CACNB2: variants seen among roughly 807,000 people sequenced by gnomAD.
CACNB2 encodes the protein calcium voltage-gated channel auxiliary subunit beta 2.
A neutral mutation model predicts 73.3 loss-of-function variants in CACNB2; 42 were observed. The ratio of observed to expected loss-of-function variants is 0.57; its 90% CI spans 0.45 to 0.74. The LOEUF is 0.74. CACNB2 is among the 30% of genes least tolerant of loss of function. The probability of loss-of-function intolerance (pLI) is 0.00; values close to 1 mark genes in which losing one functional copy is unlikely to be tolerated. For missense variants in CACNB2, 940 were observed against 853.0 expected (o/e 1.10, Z -1.27); for synonymous variants, 348 against 310.3 (o/e 1.12, Z -1.28).
At chr10:18,464,418 T>TAAAATAAAAAAAAAAAACAAAAAA (rs1554824204) in intron 3 of CACNB2, among the ~76,000 whole-genome samples, 1 of 85,298 alleles carries the variant, frequency 1.2e-5, no homozygotes, top group Admixed American at 1.5e-4. Flanking sequence ...TCTCAAAAAT[T>TAAAATAAAAAAAAAAAACAAAAAA]AAAAAAAAAA....
chr10:18,207,012 CTATT>C (rs1203766499), intron 2 of CACNB2, among the ~76,000 whole-genome samples: 1 of 151,994 alleles, frequency 6.6e-6, no homozygotes, highest in Admixed American at 6.6e-5. Flanking sequence ...TATAATTCTT[CTATT>C]TATTTATTTA....
intron 2 of CACNB2, among the ~76,000 whole-genome samples, chr10:18,401,313 G>A (rs554528439): frequency 6.6e-6 from 1 of 152,152 alleles, no homozygotes; most frequent in Admixed American, 6.5e-5. Context: ...GGTGTTTTCT[G>A]TAGACGGCTT....
chr10:18,502,715 A>C (rs78492593), intron 5 of CACNB2, among the ~76,000 whole-genome samples: 3 of 144,500 alleles, frequency 2.1e-5, no homozygotes, highest in African/African-American at 7.5e-5. Context: ...AAAAAAAAAA[A>C]AAAAAAAAAC....
At chr10:18,195,796 A>C (rs987768021) in intron 2 of CACNB2, among the ~76,000 whole-genome samples, 2 of 152,212 alleles carry the variant, frequency 1.3e-5, no homozygotes, top group African/African-American at 4.8e-5. Context: ...CAGAAGAAGA[A>C]AAAAAGCAGT....
In CACNB2 at chr10:18,385,007, C is replaced by T. The variant is rs552532583; in HGVS notation, c.214-16917C>T. ...GAAAAGAACAGTTGCCGGCTGGGTG[C>T]GGTAGATCACGCCTGTAATCCCAGC... On this transcript the variant is annotated intron_variant, in intron 2 of 13. Transcript: ENST00000324631. Among the ~76,000 whole-genome samples the T allele has an allele frequency of 1.8e-4, 27 of 151,850 alleles. No homozygotes were observed. In the South Asian group the frequency reaches 3.8e-3, roughly 21 times the overall value.
chr10:18,443,020 A>ATATATATG lies in CACNB2; in HGVS notation c.333+40984_333+40985insGTATATAT, dbSNP rs1564554380. 2.8e-5 allele frequency among the ~76,000 whole-genome samples: 3 copies of ATATATATG among 107,076 alleles called. No individual in the cohort carries two copies. In the East Asian group the frequency reaches 7.3e-4, roughly 26 times the overall value. The allele number at this position is 107,076 out of a possible 152,430, so 70.2% of individuals were successfully genotyped here. A position where few individuals can be genotyped will look rare whatever the true frequency, so the allele number is the denominator to read the frequency against. On this transcript the variant is annotated intron_variant, in intron 3 of 13. Transcript: ENST00000324631. Reference sequence around the variant, plus strand: ...TATGTGTATATATATATATGTATATATATATATATATATATAAATAAGGAA... The same window carrying ATATATATG: ...TATGTGTATATATATATATGTATATATATATATGTATATATATATATATAAATAAGGAA...
chr10:18,323,539 T>C (rs762469041), intron 2 of CACNB2, among the ~76,000 whole-genome samples: 1 of 152,178 alleles, frequency 6.6e-6, no homozygotes, highest in African/African-American at 2.4e-5. Context: ...AATCATAGTA[T>C]AGTAATGTTC....
intron 2 of CACNB2, among the ~76,000 whole-genome samples, chr10:18,225,909 G>T (rs897420451): frequency 2.0e-5 from 3 of 152,102 alleles, no homozygotes; most frequent in African/African-American, 7.2e-5. Flanking sequence ...CAAAGCACTG[G>T]GATTACAGGT....
rs541925792 is a variant in CACNB2 at position 18,356,947 on chromosome 10, T to C, written c.214-44977T>C. On this transcript the variant is annotated intron_variant, in intron 2 of 13. Transcript: ENST00000324631. ...GCCTGGCCCAGACTCAATTTCTTTT[T>C]TTTTTTTTTTTTTTTGAGACGGAGT... Among the ~76,000 whole-genome samples, 521 of 90,264 alleles carry C rather than the reference T, an allele frequency of 5.8e-3. 7 individuals are homozygous for C. Among genetic ancestry groups the C allele is most frequent in the African/African-American group, 0.017 (488 of 28,464 alleles). The allele number at this position is 90,264 out of a possible 152,430, so 59.2% of individuals were successfully genotyped here. A position where few individuals can be genotyped will look rare whatever the true frequency, so the allele number is the denominator to read the frequency against.
chr10:18,460,025 T>C (rs2047483872), intron 3 of CACNB2, among the ~76,000 whole-genome samples: 1 of 152,164 alleles, frequency 6.6e-6, no homozygotes, highest in African/African-American at 2.4e-5. Context: ...AGTCGAATAC[T>C]AACATATTTG....
At chr10:18,504,682 T>C (rs147632367) in intron 5 of CACNB2, among the ~76,000 whole-genome samples, 22 of 148,180 alleles carry the variant, frequency 1.5e-4, no homozygotes, top group African/African-American at 5.3e-4. Flanking sequence ...CCTCGCTCTG[T>C]CACCCAGGCT....
At chr10:18,172,192 G>A (rs550746486) in intron 2 of CACNB2, among the ~76,000 whole-genome samples, 5 of 152,088 alleles carry the variant, frequency 3.3e-5, no homozygotes, top group Admixed American at 6.5e-5. Flanking sequence ...GCAAAACCCC[G>A]TCTCTACTGA....
chr10:18,270,016 A>G (rs2037982576), intron 2 of CACNB2, among the ~76,000 whole-genome samples: 1 of 152,170 alleles, frequency 6.6e-6, no homozygotes, highest in East Asian at 1.9e-4. Flanking sequence ...TAACTGCAGT[A>G]GTCCATTCTC....
chr10:18,385,373 C>G (rs1001110977), intron 2 of CACNB2, among the ~76,000 whole-genome samples: 5 of 44,092 alleles, frequency 1.1e-4, no homozygotes, highest in Admixed American at 7.6e-4. Context: ...TACCCCCCCC[C>G]CTCGCCCCCC....
chr10:18,192,503 AC>A, intron 2 of CACNB2, among the ~76,000 whole-genome samples: 1 of 152,202 alleles, frequency 6.6e-6, no homozygotes, highest in East Asian at 1.9e-4. Context: ...ATGAGCCACC[AC>A]CTGTAACCAT....
At chr10:18,317,237 T>A (rs1168586906) in intron 2 of CACNB2, among the ~76,000 whole-genome samples, 1 of 152,116 alleles carries the variant, frequency 6.6e-6, no homozygotes, top group African/African-American at 2.4e-5. Flanking sequence ...CCTAGCTTTT[T>A]TTTTTTAAAT....
At chr10:18,323,267 T>C (rs1352740817) in intron 2 of CACNB2, among the ~76,000 whole-genome samples, 2 of 152,042 alleles carry the variant, frequency 1.3e-5, no homozygotes, top group Non-Finnish European at 2.9e-5. Context: ...CCTCTCCTTG[T>C]TTTTCTTTAT....
chr10:18,213,448 C>A (rs2035396570), intron 2 of CACNB2, among the ~76,000 whole-genome samples: 1 of 152,146 alleles, frequency 6.6e-6, no homozygotes. Context: ...TTTCTCTTTG[C>A]TCTTTGAAAG....
At chr10:18,424,628 C>T (rs2045504924) in intron 3 of CACNB2, among the ~76,000 whole-genome samples, 2 of 152,142 alleles carry the variant, frequency 1.3e-5, no homozygotes, top group South Asian at 4.2e-4. Context: ...TTTCCCACTC[C>T]CTTCCTGTTC....
Sources: gnomAD v4.1 joint callset for allele counts (sites outside exome capture counted in the v4.1 genomes callset) on GRCh38, gnomAD v4.1.1 for gene constraint, MANE v1.5 for transcripts, NCBI Gene and HGNC (gene_info 2026-07-23, HGNC 2026-07-21) for gene names.